CDH4: variants seen among roughly 807,000 people sequenced by gnomAD.
The protein encoded by CDH4 is cadherin 4, also known as cadherin-4.
CDH4 carries 33 observed loss-of-function variants against 86.0 expected under a neutral mutation model. The observed-to-expected ratio is 0.38, with a 90% CI of 0.29 to 0.51. CDH4 has a LOEUF of 0.51. CDH4 is among the 20% of genes least tolerant of loss of function. The pLI is 0.86. For synonymous variants in CDH4, 555 were observed against 549.4 expected (o/e 1.01, Z -0.14); for missense variants, 1,114 against 1,307.4 (o/e 0.85, Z 2.28).
chr20:61,388,656 G>C (rs1355503205), intron 2 of CDH4, among the ~76,000 whole-genome samples: 1 of 152,184 alleles, frequency 6.6e-6, no homozygotes, highest in African/African-American at 2.4e-5. Context: ...GGGGTACTCT[G>C]TATTGTGCTA....
At chr20:61,909,349 C>G (rs1163178393) in intron 8 of CDH4, among the ~76,000 whole-genome samples, 2 of 152,200 alleles carry the variant, frequency 1.3e-5, no homozygotes, top group African/African-American at 4.8e-5. Flanking sequence ...CCAGCAGAAG[C>G]CAGACACAAG....
At chr20:61,442,136 G>T (rs2085317639) in intron 2 of CDH4, among the ~76,000 whole-genome samples, 1 of 152,138 alleles carries the variant, frequency 6.6e-6, no homozygotes, top group Non-Finnish European at 1.5e-5. Flanking sequence ...TAGCATGATG[G>T]ATTTGATCAG....
At chr20:61,431,497 C>T (rs755429408) in intron 2 of CDH4, among the ~76,000 whole-genome samples, 22 of 151,610 alleles carry the variant, frequency 1.5e-4, no homozygotes, top group Admixed American at 4.6e-4. Flanking sequence ...GTAGCTGGTA[C>T]TACGAGTGCA....
chr20:61,770,114 A>G (rs2088756720), intron 3 of CDH4, among the ~76,000 whole-genome samples: 1 of 152,102 alleles, frequency 6.6e-6, no homozygotes, highest in South Asian at 2.1e-4. Context: ...ACTGTCCTGG[A>G]AGCTCTTTAA....
chr20:61,883,132 C>T (rs567249111), intron 7 of CDH4, among the ~76,000 whole-genome samples: 44 of 151,180 alleles, frequency 2.9e-4, no homozygotes, highest in African/African-American at 5.6e-4. Context: ...AGGGCCTTCT[C>T]GCTGGCTGCT....
At chr20:61,476,873 A>C (rs952907002) in intron 2 of CDH4, among the ~76,000 whole-genome samples, 1 of 152,222 alleles carries the variant, frequency 6.6e-6, no homozygotes, top group African/African-American at 2.4e-5. Context: ...GGATGTGTCC[A>C]AGTCCAGTCA....
At chr20:61,546,343 G>A (rs1370817205) in intron 2 of CDH4, among the ~76,000 whole-genome samples, 1 of 150,566 alleles carries the variant, frequency 6.6e-6, no homozygotes, top group Non-Finnish European at 1.5e-5. Context: ...GTGTGTATAT[G>A]CGTGTGTGTG....
intron 4 of CDH4, among the ~76,000 whole-genome samples, chr20:61,792,000 G>C (rs1419483132): frequency 6.6e-6 from 1 of 152,188 alleles, no homozygotes; most frequent in Non-Finnish European, 1.5e-5. Flanking sequence ...GGAGCCATCT[G>C]ATTGTCCGTC....
At chr20:61,298,172 C>T (rs563918755) in intron 2 of CDH4, among the ~76,000 whole-genome samples, 208 of 152,324 alleles carry the variant, frequency 1.4e-3, no homozygotes, top group Middle Eastern at 6.8e-3. Context: ...GGCAGGGAGC[C>T]GGGTTTCCGG....
At chr20:61,487,655 A>G (rs1258653946) in intron 2 of CDH4, among the ~76,000 whole-genome samples, 1 of 152,144 alleles carries the variant, frequency 6.6e-6, no homozygotes, top group Middle Eastern at 3.2e-3. Flanking sequence ...TGACAAGACA[A>G]CCCTTCAGCA....
intron 4 of CDH4, among the ~76,000 whole-genome samples, chr20:61,842,754 C>A (rs1668611091): frequency 6.6e-6 from 1 of 152,142 alleles, no homozygotes; most frequent in African/African-American, 2.4e-5. Flanking sequence ...TCTGTGTCAT[C>A]TTTATTGATG....
At chr20:61,906,401 AG>A (rs1413444583) in intron 8 of CDH4, among the ~76,000 whole-genome samples, 2 of 152,234 alleles carry the variant, frequency 1.3e-5, no homozygotes, top group African/African-American at 4.8e-5. Context: ...CATCCCACCA[AG>A]CCCTTAAGGA....
At chr20:61,611,344 A>G (rs1256932263) in intron 2 of CDH4, among the ~76,000 whole-genome samples, 1 of 152,108 alleles carries the variant, frequency 6.6e-6, no homozygotes, top group Non-Finnish European at 1.5e-5. Flanking sequence ...TCATAAGCAT[A>G]GAGACGCTCC....
chr20:61,407,653 T>C (rs1235251173), intron 2 of CDH4, among the ~76,000 whole-genome samples: 1 of 152,138 alleles, frequency 6.6e-6, no homozygotes, highest in East Asian at 1.9e-4. Context: ...TGATAAAACA[T>C]GTGAAGGAAT....
intron 9 of CDH4, among the ~76,000 whole-genome samples, chr20:61,921,768 A>T (rs1194266958): frequency 2.7e-5 from 4 of 147,968 alleles, no homozygotes; most frequent in Admixed American, 1.3e-4. Context: ...AAAAAAAAAA[A>T]ATCAAAGCTC....
intron 2 of CDH4, among the ~76,000 whole-genome samples, chr20:61,272,722 G>T (rs1171392152): frequency 6.6e-6 from 1 of 151,408 alleles, no homozygotes; most frequent in African/African-American, 2.4e-5. Context: ...GTGTGCAGTT[G>T]TTTGGGGGAG....
intron 2 of CDH4, among the ~76,000 whole-genome samples, chr20:61,555,728 G>A (rs1403351811): frequency 6.6e-6 from 1 of 152,204 alleles, no homozygotes; most frequent in Non-Finnish European, 1.5e-5. Flanking sequence ...CATTAGAGTA[G>A]CAGAGCACAT....
chr20:61,286,062 G>T (rs2084291560), intron 2 of CDH4, among the ~76,000 whole-genome samples: 2 of 152,226 alleles, frequency 1.3e-5, no homozygotes, highest in Non-Finnish European at 1.5e-5. Context: ...GGATGTGCCA[G>T]CCCATCCTAA....
intron 2 of CDH4, chr20:61,435,654 G>C (rs2085277091): frequency 6.6e-6 from 1 of 152,366 alleles, no homozygotes; most frequent in Non-Finnish European, 1.5e-5. Context: ...CCAGCCCACA[G>C]AGCGGCTCCC....
Sources: allele counts gnomAD v4.1 joint callset (sites outside exome capture counted in the v4.1 genomes callset), GRCh38; gene constraint gnomAD v4.1.1; transcripts MANE v1.5; gene names NCBI Gene and HGNC (gene_info 2026-07-23, HGNC 2026-07-21).